FNBP4: variants seen among roughly 807,000 people sequenced by gnomAD.
FNBP4 encodes the protein formin binding protein 4.
A neutral mutation model predicts 119.3 loss-of-function variants in FNBP4; 34 were observed. That is an observed-to-expected ratio of 0.28 (90% CI 0.22 to 0.38). FNBP4 has a LOEUF of 0.38. Among genes scored for constraint, FNBP4 ranks in the 10% least tolerant of loss-of-function variants. The pLI is 1.00. For missense variants in FNBP4, 1,112 were observed against 1,228.9 expected (o/e 0.90, Z 1.42); for synonymous variants, 462 against 430.6 (o/e 1.07, Z -0.90).
intron 2 of FNBP4, among the ~76,000 whole-genome samples, chr11:47,760,258 CATTTTT>C (rs2097630659): frequency 7.5e-6 from 1 of 133,840 alleles, no homozygotes; most frequent in Non-Finnish European, 1.6e-5. Flanking sequence ...ATTGATCAAA[CATTTTT>C]TTTTTTTTTT....
chr11:47,738,723 C>T, intron 8 of FNBP4, among the ~76,000 whole-genome samples: 1 of 151,874 alleles, frequency 6.6e-6, no homozygotes, highest in Non-Finnish European at 1.5e-5. Context: ...CTTTGTCGCC[C>T]AGGCTGGAGA....
At chr11:47,734,596 T>C (rs1486033847) in intron 9 of FNBP4, among the ~76,000 whole-genome samples, 1 of 151,602 alleles carries the variant, frequency 6.6e-6, no homozygotes, top group Non-Finnish European at 1.5e-5. Flanking sequence ...ACTCAAAGAG[T>C]AGAATTAGAA....
chr11:47,729,901 G>C (rs1045667436), intron 12 of FNBP4: 2 of 985,322 alleles, frequency 2.0e-6, no homozygotes, highest in Non-Finnish European at 2.4e-6. Context: ...TCTCAATAAA[G>C]AGAGGCTTAA....
At chr11:47,730,117 A>C (rs2097565736) in intron 12 of FNBP4, 6 of 985,442 alleles carry the variant, frequency 6.1e-6, no homozygotes, top group Non-Finnish European at 4.8e-6. Flanking sequence ...GGAACATATA[A>C]GGGATGTTGA....
chr11:47,765,566 AC>A (rs1202366356), intron 1 of FNBP4, among the ~76,000 whole-genome samples: 1 of 1,500 alleles, frequency 6.7e-4, no homozygotes, highest in Non-Finnish European at 1.5e-3. Context: ...GGAGGCCAAG[AC>A]GGGGGGGGGG....
chr11:47,763,930 A>G (rs1470288893), intron 2 of FNBP4, among the ~76,000 whole-genome samples: 1 of 152,066 alleles, frequency 6.6e-6, no homozygotes, highest in Non-Finnish European at 1.5e-5. Context: ...GCAGTAAATT[A>G]TTTCTTAGGT....
rs1469282652 is a variant in FNBP4, at chr11:47,722,991, T to A, written c.2790A>T (p.Lys930Asn). ...PKMPPPEKTK[K>N]GRKDKAKKSK... Reference sequence around the variant, plus strand: ...TTTATTATACCTTGTCTTTCCTTCCTTTTTTTGTCTTTTCAGGTGGTGGCA... The same window carrying A: ...TTTATTATACCTTGTCTTTCCTTCCATTTTTTGTCTTTTCAGGTGGTGGCA... The change falls in exon 15 of 17, where the codon AAA (lysine) becomes AAT (asparagine). Residue 930 changes from lysine to asparagine, a missense_variant. Lys to Asn is a moderately conservative substitution (Grantham distance 94). Coordinates refer to ENST00000263773, the MANE Select transcript of FNBP4 (RefSeq NM_015308.5). 6.5e-7 allele frequency: 1 copy of A among 1,533,890 alleles called. No individual in the cohort carries two copies. Among genetic ancestry groups the A allele is most frequent in the Non-Finnish European group, 8.8e-7 (1 of 1,142,246 alleles).
intron 16 of FNBP4, among the ~76,000 whole-genome samples, chr11:47,718,209 C>A (rs1420873916): frequency 6.6e-6 from 1 of 150,980 alleles, no homozygotes. Flanking sequence ...ACCCTGGGAT[C>A]TAATGTTTTT....
At chr11:47,720,565 C>CA (rs752730208) in intron 15 of FNBP4, among the ~76,000 whole-genome samples, 6 of 137,454 alleles carry the variant, frequency 4.4e-5, no homozygotes, top group Admixed American at 1.5e-4. Flanking sequence ...GACTCCGTCT[C>CA]AAAAAAATAA....
chr11:47,741,869 T>G (rs116996852), intron 8 of FNBP4, among the ~76,000 whole-genome samples: 1,676 of 152,228 alleles, frequency 0.011, 23 homozygotes, highest in South Asian at 0.04. Flanking sequence ...ATACCTCTAA[T>G]GGACATTTGA....
chr11:47,718,449 T>A (rs969390199), intron 16 of FNBP4, among the ~76,000 whole-genome samples: 1 of 152,092 alleles, frequency 6.6e-6, no homozygotes, highest in Admixed American at 6.6e-5. Context: ...CCTGACCTCG[T>A]GATCCACCCA....
At position 47,723,054 on chromosome 11, in the gene FNBP4, A is replaced by AGGT. The variant is rs762287139; in HGVS notation, c.2724_2726dup (p.Pro918dup). ...GTGGTGGTGGAGGAGGAGGAGGAGG[A>AGGT]GGTGGTGGTGGTGGTTCTATAATGG... On this transcript the variant is annotated inframe_insertion, in exon 15 of 17. Coordinates refer to ENST00000263773, the MANE Select transcript of FNBP4 (RefSeq NM_015308.5). 8.1e-5 allele frequency: 129 copies of AGGT among 1,585,630 alleles called. No homozygotes were observed. The highest frequency in any genetic ancestry group is 4.8e-4 in the South Asian group (42 of 87,962).
intron 8 of FNBP4, 91 bp from the exon 9 acceptor site, chr11:47,736,831 T>TCTG: frequency 8.8e-7 from 1 of 1,130,814 alleles, no homozygotes; most frequent in Non-Finnish European, 1.3e-6. Flanking sequence ...CTGCAAAAGA[T>TCTG]TATTAGTTCT....
intron 6 of FNBP4, among the ~76,000 whole-genome samples, chr11:47,750,521 C>A (rs1367042693): frequency 6.7e-6 from 1 of 150,090 alleles, no homozygotes. Context: ...AACACCGTCT[C>A]CACTAAAAAT....
intron 1 of FNBP4, among the ~76,000 whole-genome samples, chr11:47,765,612 C>A (rs540462446): frequency 1.4e-4 from 18 of 131,840 alleles, no homozygotes; most frequent in African/African-American, 5.4e-4. Flanking sequence ...CAAGACCAGC[C>A]TGGCCACCAT....
chr11:47,733,998 G>C, intron 10 of FNBP4, 27 bp downstream of exon 10: 2 of 916,568 alleles, frequency 2.2e-6, no homozygotes, highest in Non-Finnish European at 3.1e-6. Flanking sequence ...AACTGTTTAT[G>C]CCAAAAAAAA....
intron 15 of FNBP4, among the ~76,000 whole-genome samples, chr11:47,722,232 C>A (rs2097556630): frequency 9.3e-6 from 1 of 107,608 alleles, no homozygotes; most frequent in Non-Finnish European, 1.8e-5. Flanking sequence ...ATTGATAAGA[C>A]CAATTTTTAT....
chr11:47,747,617 AT>A (rs1409819932), intron 6 of FNBP4, among the ~76,000 whole-genome samples: 1 of 152,116 alleles, frequency 6.6e-6, no homozygotes. Context: ...TGATAAGAAA[AT>A]TTAGTAAGTA....
intron 2 of FNBP4, among the ~76,000 whole-genome samples, chr11:47,762,591 T>C (rs2097637959): frequency 6.6e-6 from 1 of 152,098 alleles, no homozygotes; most frequent in East Asian, 1.9e-4. Context: ...CATCAGCACG[T>C]CTAGCTAATT....
Sources: gnomAD v4.1 joint callset for allele counts (sites outside exome capture counted in the v4.1 genomes callset) on GRCh38, gnomAD v4.1.1 for gene constraint, MANE v1.5 for transcripts, NCBI Gene and HGNC (gene_info 2026-07-23, HGNC 2026-07-21) for gene names.